The following PRKCH variants were observed in gnomAD, a reference collection of about 807,000 sequenced individuals.
PRKCH encodes the protein protein kinase C eta, also known as protein kinase C eta type.
Under a neutral mutation model 82.5 loss-of-function variants are expected in PRKCH, and 28 were observed. That is an observed-to-expected ratio of 0.34 (90% confidence interval 0.25 to 0.47). PRKCH has a LOEUF of 0.47. PRKCH is among the 20% of genes least tolerant of loss of function. The pLI is 1.00. For synonymous variants in PRKCH, 322 were observed against 327.4 expected (o/e 0.98, Z 0.18); for missense variants, 705 against 881.8 (o/e 0.80, Z 2.54).
At chr14:61,298,083 A>G (rs1681442080) in intron 1 of PRKCH, 1 of 152,364 alleles carries the variant, frequency 6.6e-6, no homozygotes, top group South Asian at 2.1e-4. Flanking sequence ...ATACACCAAC[A>G]ATCTCTTTGT....
chr14:61,447,404 G>A (rs1023865843), intron 4 of PRKCH, among the ~76,000 whole-genome samples: 3 of 152,188 alleles, frequency 2.0e-5, no homozygotes, highest in African/African-American at 7.2e-5. Flanking sequence ...GGAATCAGTA[G>A]GGATATAGGT....
intron 1 of PRKCH, among the ~76,000 whole-genome samples, chr14:61,210,790 C>CTGTGTGTGTGTGTG (rs1014835104): frequency 7.2e-6 from 1 of 138,986 alleles, no homozygotes; most frequent in African/African-American, 2.9e-5. Context: ...CTCTCTCTCT[C>CTGTGTGTGTGTGTG]TGTGTGTGTG....
intron 1 of PRKCH, chr14:61,304,088 TGTTTAGA>T (rs2045466944): frequency 1.3e-5 from 2 of 152,152 alleles, no homozygotes; most frequent in Non-Finnish European, 1.5e-5. Flanking sequence ...CTTAACAGTC[TGTTTAGA>T]GTTAATATTA....
chr14:61,249,068 CT>C (rs1418879229), intron 1 of PRKCH, among the ~76,000 whole-genome samples: 1 of 152,136 alleles, frequency 6.6e-6, no homozygotes, highest in African/African-American at 2.4e-5. Flanking sequence ...TCCCAAAATG[CT>C]GGGATTATAG....
chr14:61,529,007 C>CGCG, intron 10 of PRKCH, 68 bp from the exon 11 acceptor site: 45 of 452,242 alleles, frequency 1.0e-4, no homozygotes, highest in Non-Finnish European at 1.4e-4. Context: ...TGTGTGTGTG[C>CGCG]CCATTCTGAG....
intron 1 of PRKCH, among the ~76,000 whole-genome samples, chr14:61,309,214 C>G (rs568069684): frequency 6.6e-6 from 1 of 151,970 alleles, no homozygotes; most frequent in African/African-American, 2.4e-5. Context: ...CCTGGGAGGT[C>G]GAGGCTGCAG....
intron 10 of PRKCH, among the ~76,000 whole-genome samples, chr14:61,498,203 G>A (rs1227201341): frequency 2.6e-5 from 4 of 151,998 alleles, no homozygotes; most frequent in Non-Finnish European, 4.4e-5. Context: ...TAGTAGAGAC[G>A]GGGTTTCACC....
At chr14:61,462,304 C>T (rs895022831) in intron 9 of PRKCH, among the ~76,000 whole-genome samples, 9 of 152,084 alleles carry the variant, frequency 5.9e-5, no homozygotes, top group Non-Finnish European at 4.4e-5. Flanking sequence ...ACAGGAGGAT[C>T]GCTGGAACCC....
At chr14:61,386,082 C>T (rs763807372) in intron 1 of PRKCH, among the ~76,000 whole-genome samples, 1 of 152,176 alleles carries the variant, frequency 6.6e-6, no homozygotes, top group South Asian at 2.1e-4. Flanking sequence ...ACTATATTCC[C>T]CAGTATGCTG....
chr14:61,502,352 T>G (rs750853014), intron 10 of PRKCH, among the ~76,000 whole-genome samples: 23 of 152,060 alleles, frequency 1.5e-4, no homozygotes, highest in Non-Finnish European at 2.6e-4. Flanking sequence ...TGAGCCACCA[T>G]GCCCATTCAA....
intron 1 of PRKCH, among the ~76,000 whole-genome samples, chr14:61,285,123 C>T (rs909140344): frequency 6.6e-5 from 10 of 152,032 alleles, no homozygotes; most frequent in Non-Finnish European, 8.8e-5. Context: ...TTCCCCCTAA[C>T]GTTTTCTTTC....
intron 1 of PRKCH, among the ~76,000 whole-genome samples, chr14:61,275,165 C>T (rs2045190766): frequency 6.6e-6 from 1 of 152,192 alleles, no homozygotes; most frequent in South Asian, 2.1e-4. Context: ...TACTCATGGT[C>T]CATTCCAATG....
chr14:61,400,538 C>T (rs548733265), intron 2 of PRKCH, among the ~76,000 whole-genome samples: 3 of 152,210 alleles, frequency 2.0e-5, no homozygotes, highest in South Asian at 2.1e-4. Flanking sequence ...GAACTGGAAA[C>T]GGGCGAATGA....
At position 61,442,975 on chromosome 14, in the gene PRKCH, A is replaced by G. The variant is rs535186444; in HGVS notation, c.428-136A>G. On this transcript the variant is annotated intron_variant, in intron 2 of 13. Coordinates refer to ENST00000332981, the MANE Select transcript of PRKCH (RefSeq NM_006255.5). ...CCTGTTAGGAAGCCATAATGATTTT[A>G]GGGGGGATGGTTTAGATCTTGAAGA... 4.9e-6 allele frequency: 4 copies of G among 812,376 alleles called. No individual in the cohort carries two copies. In the East Asian group the frequency reaches 8.5e-5, roughly 17 times the overall value. 50.3% of individuals were successfully genotyped at this position (812,376 alleles called of 1,614,324 possible).
rs111380382 is a variant in PRKCH, at chr14:61,442,735, A to G, written c.428-376A>G. On this transcript the variant is annotated intron_variant, in intron 2 of 13. Coordinates refer to ENST00000332981, the MANE Select transcript of PRKCH (RefSeq NM_006255.5). ...CACCTGAACCTGGGAGTTGGAGACCAGCTCTGGCATCACAGTGAGACCTCC... is the reference window on the plus strand; with the variant it reads ...CACCTGAACCTGGGAGTTGGAGACCGGCTCTGGCATCACAGTGAGACCTCC... 180 of 154,784 alleles carry G rather than the reference A, an allele frequency of 1.2e-3. 1 individual carries two copies. Among genetic ancestry groups the G allele is most frequent in the Non-Finnish European group, 1.9e-3 (134 of 69,628 alleles). The allele number at this position is 154,784 out of a possible 1,614,324, so 9.6% of individuals were successfully genotyped here. A position where few individuals can be genotyped will look rare whatever the true frequency, so the allele number is the denominator to read the frequency against.
At chr14:61,319,067 GC>G (rs905627315), upstream of PRKCH, among the ~76,000 whole-genome samples, 5 of 152,120 alleles carry the variant, frequency 3.3e-5, no homozygotes, top group African/African-American at 1.2e-4. Context: ...GCGTCCAGTG[GC>G]CCATAGATAA....
intron 9 of PRKCH, among the ~76,000 whole-genome samples, chr14:61,461,248 G>T (rs946774031): frequency 6.6e-6 from 1 of 152,130 alleles, no homozygotes; most frequent in African/African-American, 2.4e-5. Context: ...GAGTAGCCTT[G>T]AAACGACTTC....
chr14:61,306,405 C>G (rs139299408), intron 1 of PRKCH: 40 of 152,352 alleles, frequency 2.6e-4, no homozygotes, highest in African/African-American at 9.6e-4. Context: ...ATGACAACTA[C>G]TCTAAACTTT....
chr14:61,290,860 C>T (rs946562788), intron 1 of PRKCH, among the ~76,000 whole-genome samples: 2 of 152,090 alleles, frequency 1.3e-5, no homozygotes, highest in African/African-American at 2.4e-5. Flanking sequence ...ACACAGCATC[C>T]GTGTTGCCAG....
Sources: allele counts gnomAD v4.1 joint callset (sites outside exome capture counted in the v4.1 genomes callset), GRCh38; gene constraint gnomAD v4.1.1; transcripts MANE v1.5; gene names NCBI Gene and HGNC (gene_info 2026-07-23, HGNC 2026-07-21).